Variants in ATRX observed in about 807,000 individuals in gnomAD.
ATRX encodes ATRX chromatin remodeler, also known as chromatin remodeler ATRX.
Under a neutral mutation model 172.6 loss-of-function variants are expected in ATRX, and 12 were observed. The observed-to-expected ratio is 0.07, with a 90% CI of 0.04 to 0.11. The LOEUF is 0.11. ATRX is among the 10% of genes least tolerant of loss of function. The pLI, the probability that ATRX is intolerant of heterozygous loss-of-function variation, is 1.00. For synonymous variants in ATRX, 674 were observed against 594.7 expected (o/e 1.13, Z -1.94); for missense variants, 1,368 against 1,767.4 (o/e 0.77, Z 4.05).
intron 1 of ATRX, among the ~76,000 whole-genome samples, chrX:77,771,032 G>T (rs1201177014): frequency 9.0e-6 from 1 of 111,501 alleles, no homozygotes; most frequent in Non-Finnish European, 1.9e-5. Flanking sequence ...AAAAGTATTT[G>T]TTGATTTTCT....
rs2062925974 is a variant in ATRX, at chrX:77,513,058, C to T, written c.7201-4429G>A. Among the ~76,000 whole-genome samples the T allele has an allele frequency of 2.7e-5, 3 of 110,426 alleles. No individual in the cohort carries two copies. In the South Asian group the frequency reaches 1.2e-3, roughly 43 times the overall value. On this transcript the variant is annotated intron_variant, in intron 34 of 34. Transcript: ENST00000373344. ...GGAGGCTGGGCACAGTGGCTCACGC[C>T]TGTAACCCCAGCACTTTGGGAGGCC...
Position 77,549,935 on chromosome X carries a change from T to C in ATRX, c.6699+7516A>G, listed in dbSNP as rs147632388. On this transcript the variant is annotated intron_variant, in intron 30 of 34. Coordinates refer to ENST00000373344, the MANE Select transcript of ATRX (RefSeq NM_000489.6). Reference sequence around the variant, plus strand: ...AGGAGTTCAGGACCAGCCTAGGCAATAGAACGAGACCTTGTCTCAAAAATG... The same window carrying C: ...AGGAGTTCAGGACCAGCCTAGGCAACAGAACGAGACCTTGTCTCAAAAATG... Among the ~76,000 whole-genome samples the C allele has an allele frequency of 8.5e-3, 943 of 110,828 alleles. 12 individuals carry two copies. Among genetic ancestry groups the C allele is most frequent in the African/African-American group, 0.029 (872 of 30,424 alleles).
rs375935735 is a variant in ATRX, at chrX:77,521,430, T to C, written c.7044A>G (p.Gln2348=). ...ATNSVTAVRI[Q]PLEDIISAVW... ...CAGCTGAAATTATATCCTCAAGAGG[T>C]TGAATCCTCACTGCTGTCACACTGT... Residue 2348 remains glutamine (Q), a synonymous_variant, in exon 33 of 35, where the codon CAA becomes CAG. Transcript: ENST00000373344. The C allele has an allele frequency of 1.3e-5, 16 of 1,207,703 alleles. No homozygotes were observed. The highest frequency in any genetic ancestry group is 1.7e-5 in the Non-Finnish European group (15 of 893,465).
intron 1 of ATRX, among the ~76,000 whole-genome samples, chrX:77,754,419 G>A (rs1163283847): frequency 8.9e-6 from 1 of 111,788 alleles, no homozygotes; most frequent in African/African-American, 3.2e-5. Flanking sequence ...AGTTGATGCA[G>A]TTTCTTTATA....
At position 77,650,505 on chromosome X, in the gene ATRX, G is replaced by A. The variant is rs189270366; in HGVS notation, c.4557+1609C>T. 4.5e-4 allele frequency among the ~76,000 whole-genome samples: 50 copies of A among 111,780 alleles called. No homozygotes were observed. In the East Asian group the frequency reaches 9.5e-3, roughly 21 times the overall value. ...AAAAGAAAGAACCAAAGAGAAACTA[G>A]GTTAAAATTAGGTAAGAGATGTAAC... On this transcript the variant is annotated intron_variant, in intron 15 of 34. Coordinates refer to ENST00000373344, the MANE Select transcript of ATRX (RefSeq NM_000489.6).
chrX:77,757,711 G>A (rs1557190893), intron 1 of ATRX, among the ~76,000 whole-genome samples: 1 of 104,564 alleles, frequency 9.6e-6, no homozygotes, highest in East Asian at 3.0e-4. Context: ...TCACTCTGTC[G>A]CCCAGGCTGG....
intron 34 of ATRX, among the ~76,000 whole-genome samples, chrX:77,520,514 C>T (rs781907457): frequency 1.8e-5 from 2 of 111,629 alleles, no homozygotes; most frequent in African/African-American, 3.2e-5. Context: ...AAAATTCCTA[C>T]GTAGATGTCC....
In ATRX at chrX:77,583,562, T is replaced by C. The variant is rs1001131659; in HGVS notation, c.6217+6272A>G. 6.3e-5 allele frequency among the ~76,000 whole-genome samples: 7 copies of C among 110,990 alleles called. No individual in the cohort carries two copies. In the East Asian group the frequency reaches 1.1e-3, roughly 18 times the overall value. ...AACAAAACCATATGATCATTTCAAT[T>C]CATGGTAAGAAAGCATTTGACAAAA... is the stretch of plus-strand genomic sequence containing the variant. On this transcript the variant is annotated intron_variant, in intron 27 of 34. Transcript: ENST00000373344.
intron 22 of ATRX, among the ~76,000 whole-genome samples, chrX:77,609,940 G>T (rs2067083272): frequency 9.0e-6 from 1 of 111,658 alleles, no homozygotes; most frequent in African/African-American, 3.3e-5. Context: ...ATAGAACAGG[G>T]TGACTACAGG....
Position 77,506,127 on chromosome X carries a change from A to G in ATRX, c.*2224T>C, listed in dbSNP as rs1557032872. ...ATTTAGCAGGCAAAACTGTATTACA[A>G]GCAACATTTTAAATCATCATTTTTA... On this transcript the variant is annotated 3_prime_UTR_variant, in exon 35 of 35. Coordinates refer to ENST00000373344, the MANE Select transcript of ATRX (RefSeq NM_000489.6). The G allele has an allele frequency of 5.8e-6, 1 of 172,685 alleles. No homozygotes were observed. Among genetic ancestry groups the G allele is most frequent in the African/African-American group, 2.9e-5 (1 of 34,510 alleles). 14.2% of individuals were successfully genotyped at this position (172,685 alleles called of 1,213,427 possible). A position where few individuals can be genotyped will look rare whatever the true frequency, so the allele number is the denominator to read the frequency against.
intron 19 of ATRX, among the ~76,000 whole-genome samples, chrX:77,622,785 G>C: frequency 9.0e-6 from 1 of 110,595 alleles, no homozygotes. Context: ...TGGAGGGGTA[G>C]GGGGTGCGGT....
intron 9 of ATRX, among the ~76,000 whole-genome samples, chrX:77,677,112 C>CA (rs781922329): frequency 0.023 from 1,985 of 84,541 alleles, 55 homozygotes; most frequent in African/African-American, 0.074. Context: ...ACAACTCTCT[C>CA]AAAAAAAAAA....
rs111286366 is a variant in ATRX at position 77,509,911 on chromosome X, C to CGG, written c.7201-1284_7201-1283dup. ...GGGCTGAAAGCCAGTGGACGGGGGG[C>CGG]GGGGGGGGGGGGCACATGACCTAGT... On this transcript the variant is annotated intron_variant, in intron 34 of 34. Transcript: ENST00000373344. 4.1e-3 allele frequency among the ~76,000 whole-genome samples: 130 copies of CGG among 31,372 alleles called. 3 individuals are homozygous for CGG. The highest frequency in any genetic ancestry group is 0.015 in the African/African-American group (75 of 4,841). 27.2% of individuals were successfully genotyped at this position (31,372 alleles called of 115,157 possible).
In ATRX at chrX:77,664,649, ATC is replaced by A. The variant is rs2148496384; in HGVS notation, c.3937_3938del (p.Asp1313Ter). 1 of 1,209,131 alleles carries A rather than the reference ATC, an allele frequency of 8.3e-7. No homozygotes were observed. Among genetic ancestry groups the A allele is most frequent in the East Asian group, 3.0e-5 (1 of 33,713 alleles). On this transcript the variant is annotated frameshift_variant, in exon 11 of 35. Transcript: ENST00000373344. LOFTEE classifies it high-confidence loss of function. ...ACTTCTCTCTGGGGAGCTCACCCTC[ATC>A]TCCTGGGTTTTCTTCATTTTGTTTT... ...TGKQNEENPGDEEAKNQVNSE... is the reference protein window; with the variant it reads ...TGKQNEENPGXEEAKNQVNSE...
At chrX:77,772,067 G>T (rs1302864487) in intron 1 of ATRX, among the ~76,000 whole-genome samples, 6 of 111,377 alleles carry the variant, frequency 5.4e-5, no homozygotes, top group African/African-American at 2.0e-4. Flanking sequence ...GGCCGAGGCG[G>T]GCGGATCACC....
chrX:77,601,495 A>T (rs1179681667), intron 22 of ATRX, among the ~76,000 whole-genome samples: 42 of 109,391 alleles, frequency 3.8e-4, no homozygotes, highest in African/African-American at 1.3e-3. Context: ...AAAAAAAAAA[A>T]GACCTTCCAA....
rs150439761 is a variant in ATRX, at chrX:77,749,381, T to G, written c.21-32138A>C. On this transcript the variant is annotated intron_variant, in intron 1 of 34. Coordinates refer to ENST00000373344, the MANE Select transcript of ATRX (RefSeq NM_000489.6). ...TTCTTCATCACTTAGGTTGATTCCATATCTTTAATCTTGTGAACAGTGCTA... is the reference window on the plus strand; with the variant it reads ...TTCTTCATCACTTAGGTTGATTCCAGATCTTTAATCTTGTGAACAGTGCTA... Among the ~76,000 whole-genome samples the G allele has an allele frequency of 4.8e-3, 538 of 111,638 alleles. 2 individuals are homozygous for G. Among genetic ancestry groups the G allele is most frequent in the Middle Eastern group, 9.1e-3 (2 of 219 alleles).
Position 77,775,758 on chromosome X carries a change from G to A in ATRX, c.20+10224C>T, listed in dbSNP as rs1272262589. On this transcript the variant is annotated intron_variant, in intron 1 of 34. Coordinates refer to ENST00000373344, the MANE Select transcript of ATRX (RefSeq NM_000489.6). ...TTATTTATTTATTTATTTTTGAAAC[G>A]GAATCTCATTCTGTCGCCCAGGCCG... Among the ~76,000 whole-genome samples, 7 of 101,616 alleles carry A rather than the reference G, an allele frequency of 6.9e-5. No individual in the cohort carries two copies. In the South Asian group the frequency reaches 2.6e-3, roughly 38 times the overall value. 88.2% of individuals were successfully genotyped at this position (101,616 alleles called of 115,157 possible).
intron 1 of ATRX, among the ~76,000 whole-genome samples, chrX:77,779,374 G>A (rs2076490871): frequency 1.8e-5 from 2 of 110,465 alleles, no homozygotes; most frequent in Non-Finnish European, 3.8e-5. Flanking sequence ...AACTAATCGT[G>A]TACATGTCTT....
Sources: allele counts gnomAD v4.1 joint callset (sites outside exome capture counted in the v4.1 genomes callset), GRCh38; gene constraint gnomAD v4.1.1; transcripts MANE v1.5; gene names NCBI Gene and HGNC (gene_info 2026-07-23, HGNC 2026-07-21).